Variants in RGS20 observed in about 807,000 individuals in gnomAD.
The protein encoded by RGS20 is gz-selective GTPase-activating protein.
A neutral mutation model predicts 33.6 loss-of-function variants in RGS20; 30 were observed. The ratio of observed to expected loss-of-function variants is 0.89; its 90% confidence interval spans 0.67 to 1.21. RGS20 has a LOEUF of 1.21. Among genes scored for constraint, RGS20 ranks in the 50% most tolerant of loss-of-function variants. The pLI, the probability that RGS20 is intolerant of heterozygous loss-of-function variation, is 0.00. For missense variants in RGS20, 472 were observed against 502.4 expected (o/e 0.94, Z 0.58); for synonymous variants, 208 against 197.9 (o/e 1.05, Z -0.43).
intron 1 of RGS20, among the ~76,000 whole-genome samples, chr8:53,862,934 C>A (rs1021838154): frequency 6.6e-6 from 1 of 152,118 alleles, no homozygotes; most frequent in African/African-American, 2.4e-5. Flanking sequence ...GGAAATAATG[C>A]CTTTGGGTTT....
chr8:53,868,380 G>A (rs556924364), intron 1 of RGS20, among the ~76,000 whole-genome samples: 1 of 152,252 alleles, frequency 6.6e-6, no homozygotes, highest in Non-Finnish European at 1.5e-5. Flanking sequence ...TGGATATGGT[G>A]TCAAGGAGCG....
At chr8:53,913,040 A>G (rs891371251) in intron 2 of RGS20, among the ~76,000 whole-genome samples, 2 of 151,600 alleles carry the variant, frequency 1.3e-5, no homozygotes, top group South Asian at 4.2e-4. Flanking sequence ...AACTCAGCTC[A>G]CTGCAAACTC....
chr8:53,900,549 A>T (rs1812986724), intron 2 of RGS20, among the ~76,000 whole-genome samples: 1 of 152,238 alleles, frequency 6.6e-6, no homozygotes, highest in Admixed American at 6.5e-5. Context: ...AAAATAAAAT[A>T]TCAATAAGTA....
intron 2 of RGS20, among the ~76,000 whole-genome samples, chr8:53,895,971 T>C (rs2129279102): frequency 6.6e-6 from 1 of 151,800 alleles, no homozygotes; most frequent in Admixed American, 6.5e-5. Flanking sequence ...CATTTTTTAA[T>C]TGTTGGGAGA....
chr8:53,928,715 C>T (rs952045331), intron 2 of RGS20, among the ~76,000 whole-genome samples: 7 of 151,462 alleles, frequency 4.6e-5, no homozygotes, highest in East Asian at 1.9e-4. Context: ...CCTAGCTACT[C>T]GGGAGGCTGA....
At chr8:53,932,325 C>T (rs1209768778) in intron 2 of RGS20, among the ~76,000 whole-genome samples, 1 of 152,192 alleles carries the variant, frequency 6.6e-6, no homozygotes, top group Admixed American at 6.5e-5. Context: ...GAGCCATGGT[C>T]TAGCTCAGTG....
intron 2 of RGS20, among the ~76,000 whole-genome samples, chr8:53,910,837 A>C (rs1459830030): frequency 6.6e-6 from 1 of 152,258 alleles, no homozygotes; most frequent in African/African-American, 2.4e-5. Context: ...CAAACAATGC[A>C]TACCATATGA....
intron 5 of RGS20, among the ~76,000 whole-genome samples, chr8:53,956,652 G>A (rs928343459): frequency 7.2e-5 from 11 of 152,116 alleles, no homozygotes; most frequent in Non-Finnish European, 1.2e-4. Flanking sequence ...GCGTCGTTAC[G>A]TTTTGCTTTC....
intron 2 of RGS20, among the ~76,000 whole-genome samples, chr8:53,920,245 T>A (rs905630346): frequency 6.6e-6 from 1 of 152,126 alleles, no homozygotes; most frequent in Non-Finnish European, 1.5e-5. Flanking sequence ...AATTCTTTTA[T>A]TAAATTTATT....
At chr8:53,869,493 T>C (rs1278014703) in intron 1 of RGS20, among the ~76,000 whole-genome samples, 1 of 152,060 alleles carries the variant, frequency 6.6e-6, no homozygotes, top group Admixed American at 6.6e-5. Flanking sequence ...CTGGCCAACA[T>C]GGTGAAACCC....
intron 3 of RGS20, among the ~76,000 whole-genome samples, chr8:53,940,888 C>T (rs1814272495): frequency 6.6e-6 from 1 of 152,128 alleles, no homozygotes; most frequent in African/African-American, 2.4e-5. Flanking sequence ...AGGGCCTGCC[C>T]TAAAGGAGGA....
intron 1 of RGS20, among the ~76,000 whole-genome samples, chr8:53,863,050 A>G (rs1811843452): frequency 6.6e-6 from 1 of 152,110 alleles, no homozygotes; most frequent in African/African-American, 2.4e-5. Context: ...GTACAATGGC[A>G]CGATCTCGGC....
rs907125675 is a variant in RGS20, at chr8:53,873,811, G to C, written c.166-5447G>C. ...GCAGAGAGGAACTGTAGAGGAAGAA[G>C]AGATCTCAAAGGCAGAGTGGAATCA... On this transcript the variant is annotated intron_variant, in intron 1 of 5. Coordinates refer to ENST00000297313, the MANE Select transcript of RGS20 (RefSeq NM_170587.4). Among the ~76,000 whole-genome samples, 3 of 152,248 alleles carry C rather than the reference G, an allele frequency of 2.0e-5. No homozygotes were observed. The South Asian group carries it at 6.2e-4, about 32-fold the overall frequency.
chr8:53,932,650 T>G (rs767239445), intron 2 of RGS20, among the ~76,000 whole-genome samples: 1 of 152,078 alleles, frequency 6.6e-6, no homozygotes, highest in Non-Finnish European at 1.5e-5. Flanking sequence ...TAGATAAAAC[T>G]CTCATCTCCC....
Position 53,860,904 on chromosome 8 carries a change from C to G in RGS20, c.165+8840C>G, listed in dbSNP as rs1192552583. Among the ~76,000 whole-genome samples, 4 of 151,878 alleles carry G rather than the reference C, an allele frequency of 2.6e-5. No homozygotes were observed. In the East Asian group the frequency reaches 7.7e-4, roughly 29 times the overall value. On this transcript the variant is annotated intron_variant, in intron 1 of 5. Transcript: ENST00000297313. ...ATTGCCTGAACCCAGGAGGCAGAGG[C>G]TACAGTGAGCCAAGATCACACCACT...
chr8:53,863,633 A>T (rs1318638464), intron 1 of RGS20, among the ~76,000 whole-genome samples: 1 of 152,008 alleles, frequency 6.6e-6, no homozygotes, highest in Non-Finnish European at 1.5e-5. Flanking sequence ...ACCAAGCAAG[A>T]TGATGACATA....
chr8:53,855,306 C>T (rs531203357), intron 1 of RGS20, among the ~76,000 whole-genome samples: 1 of 152,290 alleles, frequency 6.6e-6, no homozygotes, highest in African/African-American at 2.4e-5. Context: ...CACAAGTGAT[C>T]CGCCCACCTC....
chr8:53,870,365 A>G (rs1378329843), intron 1 of RGS20, among the ~76,000 whole-genome samples: 1 of 152,120 alleles, frequency 6.6e-6, no homozygotes, highest in East Asian at 1.9e-4. Flanking sequence ...CTGCTCTGCT[A>G]TTTTCTAGAT....
At chr8:53,897,565 A>G (rs1200902944) in intron 2 of RGS20, among the ~76,000 whole-genome samples, 1 of 152,262 alleles carries the variant, frequency 6.6e-6, no homozygotes, top group African/African-American at 2.4e-5. Context: ...ACCCAACAAA[A>G]TTAACAGTAA....
Sources: allele counts gnomAD v4.1 joint callset (sites outside exome capture counted in the v4.1 genomes callset), GRCh38; gene constraint gnomAD v4.1.1; transcripts MANE v1.5; gene names NCBI Gene and HGNC (gene_info 2026-07-23, HGNC 2026-07-21).